LGR6: variants seen among roughly 807,000 people sequenced by gnomAD.
LGR6 encodes leucine rich repeat containing G protein-coupled receptor 6, also known as leucine-rich repeat-containing G protein-coupled receptor 6.
In LGR6, 45 loss-of-function variants were observed where a neutral mutation model predicts 69.4. The observed-to-expected ratio is 0.65, with a 90% confidence interval of 0.51 to 0.83. The LOEUF (loss-of-function observed/expected upper bound fraction) is 0.83, where lower values mean the gene tolerates loss of function less well. Among genes scored for constraint, LGR6 ranks in the 40% least tolerant of loss-of-function variants. The pLI, the probability that LGR6 is intolerant of heterozygous loss-of-function variation, is 0.00. For synonymous variants in LGR6, 538 were observed against 555.0 expected (o/e 0.97, Z 0.43); for missense variants, 1,108 against 1,246.7 (o/e 0.89, Z 1.68).
intron 4 of LGR6, among the ~76,000 whole-genome samples, chr1:202,255,497 C>T: frequency 6.6e-6 from 1 of 152,354 alleles, no homozygotes; most frequent in East Asian, 1.9e-4. Flanking sequence ...CAGCGCCCTT[C>T]CCCGCTCAGG....
At chr1:202,211,250 T>C (rs1198170382) in intron 1 of LGR6, among the ~76,000 whole-genome samples, 1 of 152,176 alleles carries the variant, frequency 6.6e-6, no homozygotes, top group African/African-American at 2.4e-5. Flanking sequence ...TATACAGAAA[T>C]AAACATCCAA....
At chr1:202,311,502 A>G (rs1278107974) in intron 16 of LGR6, among the ~76,000 whole-genome samples, 1 of 152,160 alleles carries the variant, frequency 6.6e-6, no homozygotes, top group East Asian at 1.9e-4. Flanking sequence ...TCTACCAAAA[A>G]TACAAAAATT....
Position 202,310,173 on chromosome 1 carries a change from A to G in LGR6, c.1407-24A>G, listed in dbSNP as rs372091870. The G allele has an allele frequency of 1.8e-5, 29 of 1,610,752 alleles. No homozygotes were observed. In the African/African-American group the frequency reaches 2.9e-4, roughly 16 times the overall value. On this transcript the variant is annotated intron_variant, in intron 15 of 17. Coordinates refer to ENST00000367278, the MANE Select transcript of LGR6 (RefSeq NM_001017403.2). ...GACCCCAAAGATGCTGAGGCAGCCA[A>G]TCAGCCTGCCTCTCCCCCACCAGGA...
At chr1:202,255,949 A>G (rs1191099821) in intron 4 of LGR6, among the ~76,000 whole-genome samples, 3 of 152,240 alleles carry the variant, frequency 2.0e-5, no homozygotes, top group Non-Finnish European at 1.5e-5. Context: ...GATTATTAGC[A>G]TATTTACCAA....
chr1:202,288,553 C>T (rs111818933), intron 6 of LGR6, among the ~76,000 whole-genome samples: 197 of 152,232 alleles, frequency 1.3e-3, no homozygotes, highest in African/African-American at 4.5e-3. Context: ...GGCATTGGAC[C>T]GTCTAACATC....
chr1:202,212,128 T>G (rs578126715), intron 1 of LGR6, among the ~76,000 whole-genome samples: 1 of 152,252 alleles, frequency 6.6e-6, no homozygotes, highest in South Asian at 2.1e-4. Context: ...CTATGAGCAG[T>G]TTCGTACGGT....
chr1:202,221,263 C>T (rs1056848499), intron 1 of LGR6, among the ~76,000 whole-genome samples: 1 of 152,144 alleles, frequency 6.6e-6, no homozygotes, highest in African/African-American at 2.4e-5. Flanking sequence ...TTCTATGACC[C>T]CAGCCCCTTT....
intron 1 of LGR6, among the ~76,000 whole-genome samples, chr1:202,199,064 C>G (rs1323189735): frequency 6.6e-6 from 1 of 152,102 alleles, no homozygotes; most frequent in Non-Finnish European, 1.5e-5. Flanking sequence ...TTCTCTGGAC[C>G]TCAATGTCCA....
intron 2 of LGR6, among the ~76,000 whole-genome samples, chr1:202,226,106 G>A (rs370897294): frequency 6.6e-6 from 1 of 152,150 alleles, no homozygotes; most frequent in South Asian, 2.1e-4. Flanking sequence ...TGCCCACAGT[G>A]GTCACTCTCA....
chr1:202,258,808 A>G (rs2148093150), intron 4 of LGR6, among the ~76,000 whole-genome samples: 1 of 152,098 alleles, frequency 6.6e-6, no homozygotes, highest in Non-Finnish European at 1.5e-5. Context: ...TTCCTGTCTT[A>G]TGCGTTAGAG....
rs1572017627 is a variant in LGR6 at position 202,310,195 on chromosome 1, A to G, written c.1407-2A>G. On this transcript the variant is annotated splice_acceptor_variant, in intron 15 of 17. Transcript: ENST00000367278. LOFTEE classifies it high-confidence loss of function. ...CCAATCAGCCTGCCTCTCCCCCACC[A>G]GGATCCTGGAGGTGCCTTATGCCTA... 6.2e-7 allele frequency: 1 copy of G among 1,613,052 alleles called. No homozygotes were observed. Among genetic ancestry groups the G allele is most frequent in the Non-Finnish European group, 8.5e-7 (1 of 1,179,496 alleles).
chr1:202,264,505 G>C (rs912139243), intron 4 of LGR6, among the ~76,000 whole-genome samples: 2 of 152,286 alleles, frequency 1.3e-5, no homozygotes, highest in Middle Eastern at 3.4e-3. Context: ...CACAGGACCC[G>C]GCTCCCAAGC....
At chr1:202,244,761 C>G (rs1662506210) in intron 4 of LGR6, among the ~76,000 whole-genome samples, 1 of 152,308 alleles carries the variant, frequency 6.6e-6, no homozygotes, top group Non-Finnish European at 1.5e-5. Flanking sequence ...TCTGGGGCCT[C>G]CATTTCACCC....
chr1:202,198,071 T>C (rs1658706642), intron 1 of LGR6, among the ~76,000 whole-genome samples: 1 of 152,206 alleles, frequency 6.6e-6, no homozygotes, highest in Non-Finnish European at 1.5e-5. Context: ...TCACTCCCTT[T>C]AAGATTGCCT....
chr1:202,208,310 T>G (rs1285824663), intron 1 of LGR6, among the ~76,000 whole-genome samples: 1 of 152,090 alleles, frequency 6.6e-6, no homozygotes, highest in Non-Finnish European at 1.5e-5. Context: ...GTCTGTTTCC[T>G]GTGGGGTGAG....
At chr1:202,284,461 G>A (rs946902624) in intron 6 of LGR6, among the ~76,000 whole-genome samples, 16 of 152,268 alleles carry the variant, frequency 1.1e-4, no homozygotes, top group Middle Eastern at 3.4e-3. Context: ...TGCAAGTGAC[G>A]GTAAACCACT....
At chr1:202,279,130 A>G (rs2148175391) in intron 5 of LGR6, among the ~76,000 whole-genome samples, 1 of 152,294 alleles carries the variant, frequency 6.6e-6, no homozygotes, top group East Asian at 1.9e-4. Context: ...CAGGAGTTCA[A>G]CAGCAGGTAA....
At chr1:202,297,166 C>A (rs913843751) in intron 6 of LGR6, among the ~76,000 whole-genome samples, 1 of 152,174 alleles carries the variant, frequency 6.6e-6, no homozygotes, top group Non-Finnish European at 1.5e-5. Flanking sequence ...TCACCCACTT[C>A]CCCCCTTCCT....
At chr1:202,194,705 CGGG>C in intron 1 of LGR6, 1 of 198,790 alleles carries the variant, frequency 5.0e-6, no homozygotes, top group South Asian at 3.6e-5. Context: ...TTCGTGGGGG[CGGG>C]GGGGGCGGGT....
Sources: allele counts gnomAD v4.1 joint callset (sites outside exome capture counted in the v4.1 genomes callset), GRCh38; gene constraint gnomAD v4.1.1; transcripts MANE v1.5; gene names NCBI Gene and HGNC (gene_info 2026-07-23, HGNC 2026-07-21).